The following EXD3 variants were observed in gnomAD, a reference collection of about 807,000 sequenced individuals.
The protein encoded by EXD3 is exonuclease mut-7 homolog.
EXD3 carries 92 observed loss-of-function variants against 98.0 expected under a neutral mutation model. The ratio of observed to expected loss-of-function variants is 0.94; its 90% CI spans 0.79 to 1.12. EXD3 has a LOEUF of 1.12. Among genes scored for constraint, EXD3 ranks in the 50% most tolerant of loss-of-function variants. EXD3 has a pLI of 0.00. For missense variants in EXD3, 1,222 were observed against 1,191.6 expected (o/e 1.03, Z -0.38); for synonymous variants, 569 against 526.0 (o/e 1.08, Z -1.12).
At chr9:137,415,092 T>C (rs1219927642) in intron 1 of EXD3, among the ~76,000 whole-genome samples, 1 of 152,242 alleles carries the variant, frequency 6.6e-6, no homozygotes, top group South Asian at 2.1e-4. Flanking sequence ...TTCATCATGT[T>C]GGCCAGGATG....
chr9:137,388,516 G>A (rs769841808), intron 2 of EXD3, among the ~76,000 whole-genome samples: 4 of 152,238 alleles, frequency 2.6e-5, no homozygotes, highest in Non-Finnish European at 4.4e-5. Flanking sequence ...TGTTATTCCC[G>A]ACACTCTACC....
intron 2 of EXD3, among the ~76,000 whole-genome samples, chr9:137,389,355 C>T (rs957071896): frequency 2.6e-5 from 4 of 152,084 alleles, no homozygotes; most frequent in Non-Finnish European, 4.4e-5. Flanking sequence ...TCTATCAACA[C>T]AGCGGCCCAC....
chr9:137,333,894 G>A (rs1422165559), intron 17 of EXD3, among the ~76,000 whole-genome samples: 1 of 151,844 alleles, frequency 6.6e-6, no homozygotes, highest in African/African-American at 2.4e-5. Flanking sequence ...CTGGAGTACA[G>A]TGCAGTGACG....
rs1051835464 is a variant in EXD3, at chr9:137,371,220, C to G, written c.462+1685G>C. The stretch of plus-strand genomic sequence containing the variant: ...AAACACTAGCCTGCCTTCTGCCTCC[C>G]TGCACTCTCCGCAGGCACGGCCGCC... On this transcript the variant is annotated intron_variant, in intron 5 of 21. Transcript: ENST00000340951. The surrounding 1 kb of genome is among the most constrained non-coding windows in gnomAD (Gnocchi z 8.0). Among the ~76,000 whole-genome samples, 12 of 152,228 alleles carry G rather than the reference C, an allele frequency of 7.9e-5. No individual in the cohort carries two copies. The highest frequency in any genetic ancestry group is 1.6e-4 in the Non-Finnish European group (11 of 68,028).
chr9:137,351,974 C>A, intron 12 of EXD3, 92 bp downstream of exon 12: 1 of 1,476,926 alleles, frequency 6.8e-7, no homozygotes, highest in Non-Finnish European at 9.0e-7. Context: ...AGAGGCCTTG[C>A]CTCTCTCCGA....
rs147131459 is a variant in EXD3 at position 137,350,953 on chromosome 9, C to T, written c.1494+85G>A. 5.4e-4 allele frequency: 589 copies of T among 1,099,480 alleles called. No individual in the cohort carries two copies. In the African/African-American group the frequency reaches 7.3e-3, roughly 14 times the overall value. 68.1% of individuals were successfully genotyped at this position (1,099,480 alleles called of 1,614,324 possible). A position where few individuals can be genotyped will look rare whatever the true frequency, so the allele number is the denominator to read the frequency against. ...GAATCCGGCGGGAGAAGCCCAGGGCCGCTGGGAAGGTGTGGAGGGGCCCCA... is the reference window on the plus strand; with the variant it reads ...GAATCCGGCGGGAGAAGCCCAGGGCTGCTGGGAAGGTGTGGAGGGGCCCCA... On this transcript the variant is annotated intron_variant, in intron 14 of 21. Coordinates refer to ENST00000340951, the MANE Select transcript of EXD3 (RefSeq NM_017820.5).
intron 3 of EXD3, chr9:137,381,354 T>G (rs1304695871): frequency 1.4e-5 from 2 of 141,072 alleles, no homozygotes; most frequent in African/African-American, 2.7e-5. Flanking sequence ...AGGCGGAGCT[T>G]GCAGTGAGCC....
chr9:137,381,938 A>AGCGCGAGGAGGAGGTGAGG (rs1836295817), intron 3 of EXD3, among the ~76,000 whole-genome samples: 2 of 147,568 alleles, frequency 1.4e-5, no homozygotes, highest in Admixed American at 6.7e-5. Context: ...AGGAGGTGAG[A>AGCGCGAGGAGGAGGTGAGG]GCACGAGGAG....
Position 137,335,245 on chromosome 9 carries a change from AC to A in EXD3, c.1999-11103del, listed in dbSNP as rs1177247966. ...TCCCATCAAAAAATGGGCAAATGAC[AC>A]ATGCATAGACATTTCTCAAAAGAAG... On this transcript the variant is annotated intron_variant, in intron 17 of 21. Transcript: ENST00000340951. Among the ~76,000 whole-genome samples, 12 of 152,298 alleles carry A rather than the reference AC, an allele frequency of 7.9e-5. No homozygotes were observed. The South Asian group carries it at 1.9e-3, about 24-fold the overall frequency.
At chr9:137,333,156 C>G (rs941942159) in intron 17 of EXD3, among the ~76,000 whole-genome samples, 2 of 152,200 alleles carry the variant, frequency 1.3e-5, no homozygotes, top group Non-Finnish European at 2.9e-5. Context: ...TGTCCTCGAA[C>G]ATCAGACTCC....
In EXD3 at chr9:137,383,301, A is replaced by T. The variant is rs1238284996; in HGVS notation, c.120+12T>A. On this transcript the variant is annotated intron_variant, in intron 3 of 21. Coordinates refer to ENST00000340951, the MANE Select transcript of EXD3 (RefSeq NM_017820.5). ...TGTGACTTGGCACGTGGTGGCTGCC[A>T]CGTCCACTCACCTGCTTCCGCTCCC... is the stretch of plus-strand genomic sequence containing the variant. 1 of 1,548,122 alleles carries T rather than the reference A, an allele frequency of 6.5e-7. No individual in the cohort carries two copies. Among genetic ancestry groups the T allele is most frequent in the East Asian group, 2.4e-5 (1 of 40,882 alleles).
chr9:137,389,359 G>A (rs912998317), intron 2 of EXD3, among the ~76,000 whole-genome samples: 4 of 152,168 alleles, frequency 2.6e-5, no homozygotes, highest in South Asian at 2.1e-4. Flanking sequence ...TCAACACAGC[G>A]GCCCACAACC....
chr9:137,377,652 C>T (rs1401652779), intron 3 of EXD3, among the ~76,000 whole-genome samples: 2 of 151,200 alleles, frequency 1.3e-5, no homozygotes, highest in Admixed American at 6.6e-5. Context: ...ACCTGGGAGG[C>T]GGAGGTTGCA....
chr9:137,385,206 C>T lies in EXD3; in HGVS notation c.56-1829G>A, dbSNP rs1419783395. Among the ~76,000 whole-genome samples the T allele has an allele frequency of 1.3e-5, 2 of 152,242 alleles. No homozygotes were observed. The highest frequency in any genetic ancestry group is 4.8e-5 in the African/African-American group (2 of 41,478). ...CCAGTGTTCCCGTCTGCGCTCAGAA[C>T]CGTCCCACCATCGTGCACAGTGTGC... On this transcript the variant is annotated intron_variant, in intron 2 of 21. Coordinates refer to ENST00000340951, the MANE Select transcript of EXD3 (RefSeq NM_017820.5). The surrounding 1 kb of genome is among the most constrained non-coding windows in gnomAD (Gnocchi z 4.4).
rs571020522 is a variant in EXD3 at position 137,351,474 on chromosome 9, C to A, written c.1228G>T (p.Gly410Cys). 1 of 1,600,276 alleles carries A rather than the reference C, an allele frequency of 6.2e-7. No homozygotes were observed. Among genetic ancestry groups the A allele is most frequent in the East Asian group, 2.3e-5 (1 of 44,100 alleles). Reference protein sequence around the residue: ...VEWTPVFVAGGRPRPSLLQVA... With the variant: ...VEWTPVFVAGCRPRPSLLQVA... ...TGCAGGAGTGACGGCCGAGGCCGGC[C>A]CCCAGCAACAAACACAGGTGTCCAC... The change falls in exon 13 of 22, where the codon GGC becomes TGC. Residue 410 changes from glycine (G) to cysteine (C), a missense_variant. Physicochemically the swap from Gly to Cys is radical, Grantham distance 159. Coordinates refer to ENST00000340951, the MANE Select transcript of EXD3 (RefSeq NM_017820.5).
chr9:137,387,838 G>A (rs926176760), intron 2 of EXD3, among the ~76,000 whole-genome samples: 14 of 152,154 alleles, frequency 9.2e-5, no homozygotes, highest in Non-Finnish European at 1.5e-4. Flanking sequence ...ATGTTTGGCC[G>A]GAGCTCCGTG....
At chr9:137,377,728 AAAGG>A (rs989736514) in intron 3 of EXD3, among the ~76,000 whole-genome samples, 20 of 152,084 alleles carry the variant, frequency 1.3e-4, no homozygotes, top group African/African-American at 4.6e-4. Flanking sequence ...GTCAAAAAAG[AAAGG>A]AAGGGAGGGA....
chr9:137,390,017 G>A (rs747899060), intron 2 of EXD3, among the ~76,000 whole-genome samples: 9 of 149,946 alleles, frequency 6.0e-5, no homozygotes, highest in East Asian at 2.0e-4. Context: ...AGCTACTCAG[G>A]AAGCTGAGGC....
At chr9:137,329,219 G>T (rs147027098) in intron 17 of EXD3, among the ~76,000 whole-genome samples, 25 of 4,772 alleles carry the variant, frequency 5.2e-3, no homozygotes, top group Non-Finnish European at 5.5e-3. Flanking sequence ...TACACGGGAC[G>T]ACACGGGGCT....
Sources: gnomAD v4.1 joint callset for allele counts (sites outside exome capture counted in the v4.1 genomes callset) on GRCh38, gnomAD v4.1.1 for gene constraint, Gnocchi (gnomAD v3.1) non-coding constraint, MANE v1.5 for transcripts, NCBI Gene and HGNC (gene_info 2026-07-23, HGNC 2026-07-21) for gene names.